Variants in PDE3A observed in about 807,000 individuals in gnomAD.
PDE3A encodes the protein cGMP-inhibited 3',5'-cyclic phosphodiesterase 3A.
PDE3A carries 43 observed loss-of-function variants against 98.3 expected under a neutral mutation model. That is an observed-to-expected ratio of 0.44 (90% CI 0.34 to 0.56). The LOEUF is 0.56. PDE3A is among the 20% of genes least tolerant of loss of function. The pLI is 0.01. For synonymous variants in PDE3A, 663 were observed against 567.9 expected (o/e 1.17, Z -2.38); for missense variants, 1,427 against 1,440.7 (o/e 0.99, Z 0.15).
At chr12:20,371,874 G>A (rs1033225324) in intron 1 of PDE3A, among the ~76,000 whole-genome samples, 7 of 151,998 alleles carry the variant, frequency 4.6e-5, no homozygotes, top group Admixed American at 1.3e-4. Flanking sequence ...AAACACCACC[G>A]CTTTAAGTAT....
chr12:20,623,740 G>C (rs542571818), intron 5 of PDE3A, among the ~76,000 whole-genome samples: 1 of 145,846 alleles, frequency 6.9e-6, no homozygotes, highest in South Asian at 2.1e-4. Context: ...AAGAATATAT[G>C]ATGGATATAT....
chr12:20,399,134 G>A (rs1415593152), intron 1 of PDE3A, among the ~76,000 whole-genome samples: 4 of 152,096 alleles, frequency 2.6e-5, no homozygotes, highest in Non-Finnish European at 5.9e-5. Context: ...CATCCATGTC[G>A]TAGCACATGT....
At chr12:20,661,085 T>C (rs1662534448) in intron 15 of PDE3A, among the ~76,000 whole-genome samples, 1 of 152,166 alleles carries the variant, frequency 6.6e-6, no homozygotes, top group Admixed American at 6.5e-5. Context: ...TGAGGTGGTC[T>C]CAGATGGAGA....
chr12:20,379,898 T>C (rs149926595), intron 1 of PDE3A, among the ~76,000 whole-genome samples: 4 of 151,832 alleles, frequency 2.6e-5, no homozygotes, highest in Non-Finnish European at 5.9e-5. Context: ...TAATTATTTT[T>C]AGCTCACTCT....
At chr12:20,666,321 C>G (rs1945310931) in intron 15 of PDE3A, among the ~76,000 whole-genome samples, 1 of 152,100 alleles carries the variant, frequency 6.6e-6, no homozygotes, top group African/African-American at 2.4e-5. Context: ...TTAAAGTATG[C>G]AATACATTAT....
chr12:20,551,837 G>A lies in PDE3A; in HGVS notation c.961-4823G>A, dbSNP rs935576721. ...CGGGACTGGGACAAGGGCATGGCCT[G>A]TGTGGGCCGCACCAAGGAATGTACC... On this transcript the variant is annotated intron_variant, in intron 1 of 15. Coordinates refer to ENST00000359062, the MANE Select transcript of PDE3A (RefSeq NM_000921.5). 53 of 1,613,816 alleles carry A rather than the reference G, an allele frequency of 3.3e-5. No homozygotes were observed. The Middle Eastern group carries it at 5.0e-4, about 15-fold the overall frequency.
chr12:20,507,899 G>A (rs540260813), intron 1 of PDE3A, among the ~76,000 whole-genome samples: 2 of 152,066 alleles, frequency 1.3e-5, no homozygotes, highest in Non-Finnish European at 2.9e-5. Context: ...CTTCCTCACT[G>A]TGTATTCACA....
At chr12:20,502,918 C>T (rs564717937) in intron 1 of PDE3A, among the ~76,000 whole-genome samples, 25 of 152,232 alleles carry the variant, frequency 1.6e-4, no homozygotes, top group Non-Finnish European at 3.1e-4. Flanking sequence ...ATACCACTTA[C>T]TAGCTATGTC....
rs372772258 is a variant in PDE3A at position 20,384,119 on chromosome 12, G to A, written c.960+13875G>A. Among the ~76,000 whole-genome samples the A allele has an allele frequency of 1.5e-4, 22 of 151,688 alleles. No individual in the cohort carries two copies. In the South Asian group the frequency reaches 4.4e-3, roughly 30 times the overall value. On this transcript the variant is annotated intron_variant, in intron 1 of 15. Transcript: ENST00000359062. ...TCCTTTAATGTTTTCTCTTATTTTA[G>A]AGACCAAATAATAAAGGAATATTTA...
intron 4 of PDE3A, 83 bp downstream of exon 4, chr12:20,616,467 G>A: frequency 7.5e-7 from 1 of 1,342,148 alleles, no homozygotes. Context: ...GAGAAGGAAG[G>A]CTAACCAATT....
chr12:20,604,247 G>T (rs1943661320), intron 2 of PDE3A, among the ~76,000 whole-genome samples: 1 of 151,848 alleles, frequency 6.6e-6, no homozygotes, highest in African/African-American at 2.4e-5. Flanking sequence ...GAGATAAAAT[G>T]AATTTACTTT....
At chr12:20,453,142 T>G (rs1476875633) in intron 1 of PDE3A, among the ~76,000 whole-genome samples, 2 of 151,648 alleles carry the variant, frequency 1.3e-5, no homozygotes, top group African/African-American at 4.8e-5. Context: ...GATTTGTGAT[T>G]GACTGGTTTT....
chr12:20,461,078 T>C (rs1033115680), intron 1 of PDE3A, among the ~76,000 whole-genome samples: 3 of 151,914 alleles, frequency 2.0e-5, no homozygotes, highest in African/African-American at 2.4e-5. Context: ...ATATTAAGTG[T>C]TTTGCTAAAT....
intron 1 of PDE3A, among the ~76,000 whole-genome samples, chr12:20,437,702 C>G (rs995906533): frequency 2.0e-5 from 3 of 152,080 alleles, no homozygotes; most frequent in African/African-American, 7.2e-5. Context: ...AAACCTGTCC[C>G]CCATGATCTC....
intron 1 of PDE3A, among the ~76,000 whole-genome samples, chr12:20,414,219 C>T (rs1424280540): frequency 1.2e-4 from 19 of 152,082 alleles, no homozygotes; most frequent in Admixed American, 1.2e-3. Flanking sequence ...CCACAAATGG[C>T]CAATAAGGCC....
chr12:20,533,763 G>A (rs12809512), intron 1 of PDE3A, among the ~76,000 whole-genome samples: 9,572 of 150,704 alleles, frequency 0.064, 641 homozygotes, highest in African/African-American at 0.17. Flanking sequence ...TGGGATTACA[G>A]GCATGAGCCA....
At chr12:20,503,529 A>G (rs1016332329) in intron 1 of PDE3A, among the ~76,000 whole-genome samples, 4 of 152,052 alleles carry the variant, frequency 2.6e-5, no homozygotes, top group African/African-American at 9.7e-5. Flanking sequence ...CATTCAGGAG[A>G]AGATATGGGT....
intron 1 of PDE3A, among the ~76,000 whole-genome samples, chr12:20,494,000 G>C (rs1312197982): frequency 1.3e-5 from 2 of 152,180 alleles, no homozygotes; most frequent in African/African-American, 4.8e-5. Flanking sequence ...AAACCTTTCT[G>C]TTTACAAGGG....
At chr12:20,616,025 C>T (rs1393433696) in intron 3 of PDE3A, among the ~76,000 whole-genome samples, 4 of 152,100 alleles carry the variant, frequency 2.6e-5, no homozygotes, top group Non-Finnish European at 5.9e-5. Context: ...CGCCTGACTG[C>T]TTATTTTTAT....
Sources: gnomAD v4.1 joint callset for allele counts (sites outside exome capture counted in the v4.1 genomes callset) on GRCh38, gnomAD v4.1.1 for gene constraint, MANE v1.5 for transcripts, NCBI Gene and HGNC (gene_info 2026-07-23, HGNC 2026-07-21) for gene names.